SLC5A3: variants seen among roughly 807,000 people sequenced by gnomAD.
The protein encoded by SLC5A3 is solute carrier family 5 member 3.
In SLC5A3, 10 loss-of-function variants were observed where a neutral mutation model predicts 43.2. That is an observed-to-expected ratio of 0.23 (90% CI 0.14 to 0.39). The LOEUF (loss-of-function observed/expected upper bound fraction) is 0.39, where lower values mean the gene tolerates loss of function less well. SLC5A3 is among the 10% of genes least tolerant of loss of function. The pLI is 1.00. For synonymous variants in SLC5A3, 349 were observed against 322.0 expected (o/e 1.08, Z -0.90); for missense variants, 608 against 893.4 (o/e 0.68, Z 4.07).
rs993936347 is a variant in SLC5A3, at chr21:34,099,717, G to A, written c.*2362G>A. On this transcript the variant is annotated 3_prime_UTR_variant, in exon 2 of 2. Coordinates refer to ENST00000381151, the MANE Select transcript of SLC5A3 (RefSeq NM_006933.7). ...AGATACATAAGGTACATCATCTTGT[G>A]TCTGTGTGTATATAGCAGTAGGTCA... is the stretch of plus-strand genomic sequence containing the variant. 10 of 998,092 alleles carry A rather than the reference G, an allele frequency of 1.0e-5. No individual in the cohort carries two copies. Among genetic ancestry groups the A allele is most frequent in the Non-Finnish European group, 1.2e-5 (10 of 829,444 alleles). The allele number at this position is 998,092 out of a possible 1,614,324, so 61.8% of individuals were successfully genotyped here.
At position 34,105,093 on chromosome 21, in the gene SLC5A3, T is replaced by G; in HGVS notation, c.*7738T>G. On this transcript the variant is annotated 3_prime_UTR_variant, in exon 2 of 2. Transcript: ENST00000381151. ...TTATTAAAATGCAAAAGCTTTATTT[T>G]TTTTAATAATGCCATACTCCATTAG... 1 of 1,000,188 alleles carries G rather than the reference T, an allele frequency of 1.0e-6. No homozygotes were observed. Among genetic ancestry groups the G allele is most frequent in the Non-Finnish European group, 1.2e-6 (1 of 829,884 alleles). 62.0% of individuals were successfully genotyped at this position (1,000,188 alleles called of 1,614,324 possible). A position where few individuals can be genotyped will look rare whatever the true frequency, so the allele number is the denominator to read the frequency against.
At chr21:34,092,993 C>CA (rs1489600099) in intron 1 of SLC5A3, among the ~76,000 whole-genome samples, 9 of 152,148 alleles carry the variant, frequency 5.9e-5, no homozygotes, top group African/African-American at 2.2e-4. Flanking sequence ...TTGTAATTGA[C>CA]ACAGCAGTTT....
intron 1 of SLC5A3, among the ~76,000 whole-genome samples, chr21:34,085,947 A>G (rs953144216): frequency 5.3e-5 from 8 of 152,196 alleles, no homozygotes; most frequent in East Asian, 1.9e-4. Context: ...ACACCTAACT[A>G]CAATTCCTTA....
Position 34,099,756 on chromosome 21 carries a change from A to C in SLC5A3, c.*2401A>C. ...AGCAGTAGGTCAAGTTTAGAGTACT[A>C]AAGTCTGTAAATAAGGAATGACTAT... On this transcript the variant is annotated 3_prime_UTR_variant, in exon 2 of 2. Transcript: ENST00000381151. 2.1e-6 allele frequency: 2 copies of C among 959,644 alleles called. No individual in the cohort carries two copies. Among genetic ancestry groups the C allele is most frequent in the Non-Finnish European group, 2.5e-6 (2 of 793,682 alleles). The allele number at this position is 959,644 out of a possible 1,614,324, so 59.4% of individuals were successfully genotyped here. A position where few individuals can be genotyped will look rare whatever the true frequency, so the allele number is the denominator to read the frequency against.
In SLC5A3 at chr21:34,106,089, T is replaced by A. The variant is rs543331053; in HGVS notation, c.*8734T>A. 1.8e-5 allele frequency: 18 copies of A among 999,276 alleles called. No individual in the cohort carries two copies. The highest frequency in any genetic ancestry group is 2.1e-5 in the Non-Finnish European group (17 of 829,134). 61.9% of individuals were successfully genotyped at this position (999,276 alleles called of 1,614,324 possible). ...ACTGTTCTTTGTGTACTGTGTGTTA[T>A]TTTGCCAGCTGCTGCATTAGCCTTC... On this transcript the variant is annotated 3_prime_UTR_variant, in exon 2 of 2. Coordinates refer to ENST00000381151, the MANE Select transcript of SLC5A3 (RefSeq NM_006933.7).
intron 1 of SLC5A3, among the ~76,000 whole-genome samples, chr21:34,077,350 A>G (rs909736692): frequency 2.0e-5 from 3 of 152,354 alleles, no homozygotes; most frequent in African/African-American, 2.4e-5. Context: ...TGTGCAATAC[A>G]TAAGTATTTT....
Position 34,103,169 on chromosome 21 carries a change from A to G in SLC5A3, c.*5814A>G. 4 of 1,000,052 alleles carry G rather than the reference A, an allele frequency of 4.0e-6. No individual in the cohort carries two copies. Among genetic ancestry groups the G allele is most frequent in the Non-Finnish European group, 4.8e-6 (4 of 829,836 alleles). 61.9% of individuals were successfully genotyped at this position (1,000,052 alleles called of 1,614,324 possible). A position where few individuals can be genotyped will look rare whatever the true frequency, so the allele number is the denominator to read the frequency against. ...AAGGCCAGTATATATGGTATTCCATAATATAACCAGCTTTTGAAATTTATG... is the reference window on the plus strand; with the variant it reads ...AAGGCCAGTATATATGGTATTCCATGATATAACCAGCTTTTGAAATTTATG... On this transcript the variant is annotated 3_prime_UTR_variant, in exon 2 of 2. Coordinates refer to ENST00000381151, the MANE Select transcript of SLC5A3 (RefSeq NM_006933.7).
At chr21:34,074,065 G>T (rs2148649370) in intron 1 of SLC5A3, among the ~76,000 whole-genome samples, 1 of 147,668 alleles carries the variant, frequency 6.8e-6, no homozygotes, top group East Asian at 2.0e-4. Flanking sequence ...GCCGGCCCGC[G>T]GGAGTCCAGT....
At chr21:34,074,785 A>G (rs1446128872) in intron 1 of SLC5A3, among the ~76,000 whole-genome samples, 2 of 152,266 alleles carry the variant, frequency 1.3e-5, no homozygotes, top group Non-Finnish European at 2.9e-5. Flanking sequence ...TACGTTTGAA[A>G]TTAGGCTCCA....
At position 34,106,115 on chromosome 21, in the gene SLC5A3, A is replaced by G; in HGVS notation, c.*8760A>G. On this transcript the variant is annotated 3_prime_UTR_variant, in exon 2 of 2. Coordinates refer to ENST00000381151, the MANE Select transcript of SLC5A3 (RefSeq NM_006933.7). ...TTTGCCAGCTGCTGCATTAGCCTTCAAAAGTATTTGGAAACTTAAGATGAA... is the reference window on the plus strand; with the variant it reads ...TTTGCCAGCTGCTGCATTAGCCTTCGAAAGTATTTGGAAACTTAAGATGAA... 1.0e-6 allele frequency: 1 copy of G among 998,108 alleles called. No homozygotes were observed. The highest frequency in any genetic ancestry group is 4.7e-5 in the South Asian group (1 of 21,256). The allele number at this position is 998,108 out of a possible 1,614,324, so 61.8% of individuals were successfully genotyped here.
intron 1 of SLC5A3, among the ~76,000 whole-genome samples, chr21:34,075,333 C>A (rs1989301779): frequency 6.6e-6 from 1 of 152,166 alleles, no homozygotes; most frequent in African/African-American, 2.4e-5. Flanking sequence ...ACTTGCCCTC[C>A]CCTTTGTTTT....
chr21:34,089,836 G>A (rs879681264), intron 1 of SLC5A3, among the ~76,000 whole-genome samples: 2 of 152,120 alleles, frequency 1.3e-5, no homozygotes, highest in Admixed American at 6.5e-5. Flanking sequence ...AAACTTGAGG[G>A]TGCAAGTTTA....
rs1047869065 is a variant in SLC5A3, at chr21:34,101,150, A to G, written c.*3795A>G. 4 of 1,000,052 alleles carry G rather than the reference A, an allele frequency of 4.0e-6. No individual in the cohort carries two copies. The highest frequency in any genetic ancestry group is 3.5e-5 in the African/African-American group (2 of 57,224). The allele number at this position is 1,000,052 out of a possible 1,614,324, so 61.9% of individuals were successfully genotyped here. On this transcript the variant is annotated 3_prime_UTR_variant, in exon 2 of 2. Coordinates refer to ENST00000381151, the MANE Select transcript of SLC5A3 (RefSeq NM_006933.7). The stretch of plus-strand genomic sequence containing the variant: ...GAAATCAGAAAAATGATTAAGTGAG[A>G]TAAGTACCTGGGTGACACAGATATT...
At chr21:34,074,224 C>G (rs1169302579) in intron 1 of SLC5A3, among the ~76,000 whole-genome samples, 2 of 150,972 alleles carry the variant, frequency 1.3e-5, no homozygotes, top group Admixed American at 1.3e-4. Flanking sequence ...CGCCTCCGCT[C>G]TAGCGCCCGC....
At position 34,086,723 on chromosome 21, in the gene SLC5A3, T is replaced by C. The variant is rs151013215; in HGVS notation, c.-336-8140T>C. Among the ~76,000 whole-genome samples the C allele has an allele frequency of 7.0e-4, 106 of 152,274 alleles. No individual in the cohort carries two copies. The East Asian group carries it at 0.018, about 25-fold the overall frequency. On this transcript the variant is annotated intron_variant, in intron 1 of 1. Transcript: ENST00000381151. ...TGTTAGGATTAGATGAGCTCAAACA[T>C]GTAGTGTAAAAATAGTGGTTGGCAC... is the stretch of plus-strand genomic sequence containing the variant.
chr21:34,081,120 G>A (rs1989449272), intron 1 of SLC5A3, among the ~76,000 whole-genome samples: 1 of 152,138 alleles, frequency 6.6e-6, no homozygotes. Context: ...ATAACTCAAA[G>A]TTTGGGAAGA....
intron 1 of SLC5A3, among the ~76,000 whole-genome samples, chr21:34,090,567 A>G (rs1241255488): frequency 6.6e-6 from 1 of 152,246 alleles, no homozygotes; most frequent in Admixed American, 6.5e-5. Flanking sequence ...TAACTTGGGA[A>G]AATCCTAATA....
At chr21:34,077,146 G>A (rs1346055657) in intron 1 of SLC5A3, among the ~76,000 whole-genome samples, 1 of 152,186 alleles carries the variant, frequency 6.6e-6, no homozygotes, top group Non-Finnish European at 1.5e-5. Context: ...GAAAATGGTT[G>A]AAGCCCTTTG....
chr21:34,097,450 C>T lies in SLC5A3; in HGVS notation c.*95C>T, dbSNP rs568110179. The T allele has an allele frequency of 2.3e-5, 34 of 1,480,150 alleles. No individual in the cohort carries two copies. Among genetic ancestry groups the T allele is most frequent in the African/African-American group, 9.9e-5 (7 of 70,866 alleles). 91.7% of individuals were successfully genotyped at this position (1,480,150 alleles called of 1,614,324 possible). A position where few individuals can be genotyped will look rare whatever the true frequency, so the allele number is the denominator to read the frequency against. On this transcript the variant is annotated 3_prime_UTR_variant, in exon 2 of 2. Transcript: ENST00000381151. ...CTGTGCATCTCTCAGGCATTGTTTA[C>T]GCTGTAGGTTTTAGCCAAATTTTAC...
Sources: allele counts gnomAD v4.1 joint callset (sites outside exome capture counted in the v4.1 genomes callset), GRCh38; gene constraint gnomAD v4.1.1; transcripts MANE v1.5; gene names NCBI Gene and HGNC (gene_info 2026-07-23, HGNC 2026-07-21).